ACO1: variants seen among roughly 807,000 people sequenced by gnomAD.
ACO1 encodes the protein aconitase 1.
In ACO1, 78 loss-of-function variants were observed where a neutral mutation model predicts 105.1. The observed-to-expected ratio is 0.74, with a 90% CI of 0.62 to 0.90. The LOEUF (loss-of-function observed/expected upper bound fraction) is 0.90. Ranked by LOEUF, ACO1 falls within the 40% of genes least tolerant of loss-of-function variation. The probability of loss-of-function intolerance (pLI) is 0.00; values close to 1 mark genes in which losing one functional copy is unlikely to be tolerated. For synonymous variants in ACO1, 364 were observed against 397.4 expected, an observed-to-expected ratio of 0.92 and a Z score of 1.00; for missense variants, 965 against 1,111.1, an observed-to-expected ratio of 0.87 and a Z score of 1.87.
In ACO1 at chr9:32,434,589, G is replaced by A. The variant is rs1822313209; in HGVS notation, c.1987G>A (p.Val663Met). Reference protein sequence around the residue: ...TLDLQPPKSIVDAYVLLNLGD... With the variant: ...TLDLQPPKSIMDAYVLLNLGD... Reference sequence around the variant, plus strand: ...GGATCTTCAGCCCCCTAAATCTATAGTGGATGCCTATGTGCTGCTAAATTT... The same window carrying A: ...GGATCTTCAGCCCCCTAAATCTATAATGGATGCCTATGTGCTGCTAAATTT... Residue 663 changes from valine to methionine, a missense_variant, in exon 17 of 21, where the codon GTG (valine) becomes ATG (methionine). By Grantham distance (21) the Val-to-Met change is conservative (BLOSUM62 1). Transcript: ENST00000309951. 3 of 1,614,038 alleles carry A rather than the reference G, an allele frequency of 1.9e-6. No individual in the cohort carries two copies. In the African/African-American group the frequency reaches 4.0e-5, roughly 22 times the overall value.
At chr9:32,431,609 C>A in intron 14 of ACO1, 110 bp from the exon 15 acceptor site, 2 of 1,207,120 alleles carry the variant, frequency 1.7e-6, no homozygotes, top group Non-Finnish European at 1.2e-6. Flanking sequence ...ATTCAGTGTT[C>A]ACACGGGCTT....
chr9:32,384,800 A>G (rs1011134299), intron 1 of ACO1, 65 bp downstream of exon 1: 1 of 321,268 alleles, frequency 3.1e-6, no homozygotes, highest in Non-Finnish European at 6.5e-6. Flanking sequence ...GTATCCCTCG[A>G]GAGTCGGTGC....
Position 32,434,693 on chromosome 9 carries a change from T to G in ACO1, c.2091T>G (p.Thr697=). 6.2e-7 allele frequency: 1 copy of G among 1,613,948 alleles called. No homozygotes were observed. The highest frequency in any genetic ancestry group is 8.5e-7 in the Non-Finnish European group (1 of 1,179,902). The change falls in exon 17 of 21, where the codon ACT becomes ACG. Residue 697 remains threonine, a synonymous_variant. Transcript: ENST00000309951. ...ACAGTCCTGCTGCTCGCTACTTAACTAACAGAGGGTAAGTATGAATGAGGC... is the reference window on the plus strand; with the variant it reads ...ACAGTCCTGCTGCTCGCTACTTAACGAACAGAGGGTAAGTATGAATGAGGC... ...ARNSPAARYL[T]NRGLTPREFN... is the part of the protein sequence containing the mutation.
intron 4 of ACO1, among the ~76,000 whole-genome samples, chr9:32,417,552 T>C (rs1332287968): frequency 6.6e-6 from 1 of 152,206 alleles, no homozygotes; most frequent in Non-Finnish European, 1.5e-5. Context: ...CTGAATGACG[T>C]TGAGTAAATC....
rs1822433920 is a variant in ACO1 at position 32,439,536 on chromosome 9, T to C, written c.2248-929T>C. Among the ~76,000 whole-genome samples, 1 of 152,258 alleles carries C rather than the reference T, an allele frequency of 6.6e-6. No homozygotes were observed. Among genetic ancestry groups the C allele is most frequent in the Non-Finnish European group, 1.5e-5 (1 of 68,048 alleles). On this transcript the variant is annotated intron_variant, in intron 18 of 20. Coordinates refer to ENST00000309951, the MANE Select transcript of ACO1 (RefSeq NM_002197.3). The surrounding 1 kb of genome is among the most constrained non-coding windows in gnomAD (Gnocchi z 4.0). ...ACCACCAGAGATGATATCATGTCTT[T>C]GTAAAGTCTCAGTTCAGTGAGATAT...
intron 1 of ACO1, among the ~76,000 whole-genome samples, chr9:32,387,451 C>A (rs1821178251): frequency 6.6e-6 from 1 of 152,020 alleles, no homozygotes; most frequent in Non-Finnish European, 1.5e-5. Flanking sequence ...CTTTTTTTTC[C>A]TCTTGGAGTT....
chr9:32,434,172 A>G (rs1822302576), intron 16 of ACO1, among the ~76,000 whole-genome samples: 1 of 152,182 alleles, frequency 6.6e-6, no homozygotes, highest in African/African-American at 2.4e-5. Flanking sequence ...ATTGTCCCTG[A>G]AACTGATGAT....
At chr9:32,412,112 C>T (rs1359710138) in intron 4 of ACO1, among the ~76,000 whole-genome samples, 1 of 152,086 alleles carries the variant, frequency 6.6e-6, no homozygotes, top group African/African-American at 2.4e-5. Flanking sequence ...TAAATGAAGC[C>T]TAGAAACATT....
Position 32,403,348 on chromosome 9 carries a change from T to G in ACO1, c.-22-2137T>G, listed in dbSNP as rs1821538933. 3.9e-5 allele frequency among the ~76,000 whole-genome samples: 6 copies of G among 152,252 alleles called. No individual in the cohort carries two copies. The South Asian group carries it at 1.0e-3, about 26-fold the overall frequency. ...ATGTGCTGGTATAACTAACTGGTTCTTCTCTTCCCTTCTGCAGATAGAATT... is the reference window on the plus strand; with the variant it reads ...ATGTGCTGGTATAACTAACTGGTTCGTCTCTTCCCTTCTGCAGATAGAATT... On this transcript the variant is annotated intron_variant, in intron 1 of 20. Transcript: ENST00000309951.
intron 18 of ACO1, among the ~76,000 whole-genome samples, chr9:32,436,957 G>A (rs191684288): frequency 6.6e-6 from 1 of 152,140 alleles, no homozygotes; most frequent in Non-Finnish European, 1.5e-5. Flanking sequence ...TTGGAAGAAC[G>A]CTCTGAGGCT....
intron 1 of ACO1, among the ~76,000 whole-genome samples, chr9:32,385,347 T>G (rs1048803292): frequency 2.0e-5 from 3 of 152,168 alleles, no homozygotes. Flanking sequence ...CACATGTAAC[T>G]CTCTTCCCTG....
At chr9:32,386,900 G>A (rs1214061874) in intron 1 of ACO1, among the ~76,000 whole-genome samples, 4 of 152,156 alleles carry the variant, frequency 2.6e-5, no homozygotes, top group African/African-American at 9.7e-5. Flanking sequence ...GGCAATTATG[G>A]TCTGATAGCT....
intron 6 of ACO1, 54 bp from the exon 7 acceptor site, chr9:32,418,984 G>C (rs1821910874): frequency 6.8e-7 from 1 of 1,481,406 alleles, no homozygotes; most frequent in East Asian, 2.5e-5. Flanking sequence ...TTATACCTGA[G>C]AGATAGAGTA....
rs780584355 is a variant in ACO1 at position 32,434,627 on chromosome 9, A to C, written c.2025A>C (p.Val675=). 258 of 1,614,024 alleles carry C rather than the reference A, an allele frequency of 1.6e-4. No individual in the cohort carries two copies. The highest frequency in any genetic ancestry group is 2.1e-4 in the Non-Finnish European group (250 of 1,179,996). Residue 675 remains valine, a synonymous_variant, in exon 17 of 21, where the codon GTA becomes GTC. Coordinates refer to ENST00000309951, the MANE Select transcript of ACO1 (RefSeq NM_002197.3). ...AYVLLNLGDS[V]TTDHISPAGN... is the part of the protein sequence containing the mutation. The stretch of plus-strand genomic sequence containing the variant: ...TGCTGCTAAATTTGGGAGATTCGGT[A>C]ACAACTGACCACATCTCCCCAGCTG...
At chr9:32,410,840 T>G (rs1255896275) in intron 4 of ACO1, among the ~76,000 whole-genome samples, 3 of 152,308 alleles carry the variant, frequency 2.0e-5, no homozygotes, top group Admixed American at 6.5e-5. Context: ...TCTAGTTGTT[T>G]GGGAGGTCAG....
In ACO1 at chr9:32,451,423, G is replaced by C. The variant is rs1328388342; in HGVS notation, c.*1312G>C. 5.3e-5 allele frequency: 8 copies of C among 152,130 alleles called. No homozygotes were observed. Among genetic ancestry groups the C allele is most frequent in the Non-Finnish European group, 1.0e-4 (7 of 68,036 alleles). The allele number at this position is 152,130 out of a possible 1,614,324, so 9.4% of individuals were successfully genotyped here. Reference sequence around the variant, plus strand: ...CAGCAACACTAATTGTATTGGATCAGGGTCCCACTCTTATGGAGACCCAGG... The same window carrying C: ...CAGCAACACTAATTGTATTGGATCACGGTCCCACTCTTATGGAGACCCAGG... On this transcript the variant is annotated 3_prime_UTR_variant, in exon 21 of 21. Transcript: ENST00000309951.
chr9:32,411,886 A>G (rs1043088434), intron 4 of ACO1, among the ~76,000 whole-genome samples: 3 of 151,926 alleles, frequency 2.0e-5, no homozygotes, highest in African/African-American at 7.3e-5. Context: ...TTATTTATTT[A>G]TTTATTTTTT....
At chr9:32,428,035 G>A (rs1587542528) in intron 12 of ACO1, among the ~76,000 whole-genome samples, 2 of 152,054 alleles carry the variant, frequency 1.3e-5, no homozygotes, top group South Asian at 4.2e-4. Flanking sequence ...AGTGCTTTGG[G>A]AGGCCAGGGC....
At position 32,434,586 on chromosome 9, in the gene ACO1, A is replaced by G. The variant is rs775096741; in HGVS notation, c.1984A>G (p.Ile662Val). The G allele has an allele frequency of 3.7e-6, 6 of 1,613,994 alleles. No homozygotes were observed. The highest frequency in any genetic ancestry group is 4.5e-5 in the East Asian group (2 of 44,900). Reference protein sequence around the residue: ...LTLDLQPPKSIVDAYVLLNLG... With the variant: ...LTLDLQPPKSVVDAYVLLNLG... ...TTTGGATCTTCAGCCCCCTAAATCTATAGTGGATGCCTATGTGCTGCTAAA... is the reference window on the plus strand; with the variant it reads ...TTTGGATCTTCAGCCCCCTAAATCTGTAGTGGATGCCTATGTGCTGCTAAA... Residue 662 changes from isoleucine to valine, a missense_variant, in exon 17 of 21, where the codon ATA (isoleucine) becomes GTA (valine). By Grantham distance (29) the Ile-to-Val change is conservative. Coordinates refer to ENST00000309951, the MANE Select transcript of ACO1 (RefSeq NM_002197.3).
Sources: allele counts gnomAD v4.1 joint callset (sites outside exome capture counted in the v4.1 genomes callset), GRCh38; gene constraint gnomAD v4.1.1; non-coding constraint Gnocchi (gnomAD v3.1); transcripts MANE v1.5; gene names NCBI Gene and HGNC (gene_info 2026-07-23, HGNC 2026-07-21).